LRMDA: variants seen among roughly 807,000 people sequenced by gnomAD.
LRMDA encodes leucine rich melanocyte differentiation associated.
In LRMDA, 18 loss-of-function variants were observed where a neutral mutation model predicts 29.8. The observed-to-expected ratio is 0.60, with a 90% CI of 0.42 to 0.90. LRMDA has a LOEUF of 0.90. Ranked by LOEUF, LRMDA falls within the 40% of genes least tolerant of loss-of-function variation. LRMDA has a pLI of 0.00. For synonymous variants in LRMDA, 125 were observed against 109.4 expected (o/e 1.14, Z -0.89); for missense variants, 273 against 273.9 (o/e 1.00, Z 0.02).
At chr10:76,328,489 C>G (rs1192854881) in intron 6 of LRMDA, among the ~76,000 whole-genome samples, 1 of 152,218 alleles carries the variant, frequency 6.6e-6, no homozygotes, top group East Asian at 1.9e-4. Flanking sequence ...AACTCAACAA[C>G]AGGCAAGGGA....
chr10:76,166,764 G>A (rs1850748213), intron 5 of LRMDA, among the ~76,000 whole-genome samples: 1 of 152,092 alleles, frequency 6.6e-6, no homozygotes, highest in Admixed American at 6.6e-5. Flanking sequence ...ATTGTGAATA[G>A]TGCTGCAGTG....
chr10:76,186,796 C>T (rs1360459554), intron 5 of LRMDA, among the ~76,000 whole-genome samples: 1 of 152,202 alleles, frequency 6.6e-6, no homozygotes, highest in Non-Finnish European at 1.5e-5. Context: ...TAACATCTAG[C>T]TGCTAGTTGA....
At chr10:75,499,819 G>A (rs1464410674) in intron 2 of LRMDA, among the ~76,000 whole-genome samples, 1 of 152,086 alleles carries the variant, frequency 6.6e-6, no homozygotes, top group African/African-American at 2.4e-5. Flanking sequence ...CTCCCCTAAG[G>A]TACCAAGGTG....
At chr10:75,802,335 G>GCACGCA (rs1843766346) in intron 2 of LRMDA, among the ~76,000 whole-genome samples, 1 of 147,044 alleles carries the variant, frequency 6.8e-6, no homozygotes, top group African/African-American at 2.5e-5. Context: ...ACACACACGC[G>GCACGCA]CACACACACA....
In LRMDA at chr10:76,105,284, G is replaced by A. The variant is rs569202645; in HGVS notation, c.516+46501G>A. On this transcript the variant is annotated intron_variant, in intron 5 of 6. Coordinates refer to ENST00000611255, the MANE Select transcript of LRMDA (RefSeq NM_001305581.2). ...CTCCAAAAGGCAGGATTTCGTTACCGTTTTTTTCCATGGGTATATTCCAGA... is the reference window on the plus strand; with the variant it reads ...CTCCAAAAGGCAGGATTTCGTTACCATTTTTTTCCATGGGTATATTCCAGA... Among the ~76,000 whole-genome samples the A allele has an allele frequency of 4.6e-5, 7 of 152,026 alleles. No individual in the cohort carries two copies. The South Asian group carries it at 1.0e-3, about 23-fold the overall frequency.
intron 5 of LRMDA, among the ~76,000 whole-genome samples, chr10:76,299,201 G>A (rs899489729): frequency 6.1e-5 from 9 of 148,622 alleles, no homozygotes; most frequent in South Asian, 2.1e-4. Context: ...ATGCACGCAC[G>A]CGCAATATGT....
intron 2 of LRMDA, among the ~76,000 whole-genome samples, chr10:75,786,007 C>T (rs915263778): frequency 2.6e-5 from 4 of 152,176 alleles, no homozygotes; most frequent in East Asian, 1.9e-4. Context: ...AAATATTTAT[C>T]GGGCACATGC....
chr10:75,844,925 G>A (rs778048516), intron 2 of LRMDA, among the ~76,000 whole-genome samples: 4 of 152,150 alleles, frequency 2.6e-5, no homozygotes, highest in Admixed American at 6.5e-5. Flanking sequence ...AAGGGGTCAC[G>A]TCAGTTGCTG....
At chr10:75,803,836 C>T (rs1481737317) in intron 2 of LRMDA, among the ~76,000 whole-genome samples, 1 of 146,552 alleles carries the variant, frequency 6.8e-6, no homozygotes, top group South Asian at 2.1e-4. Flanking sequence ...AACCACTGCA[C>T]GCAGTCTCTT....
chr10:76,437,097 T>C (rs554745943), intron 6 of LRMDA, among the ~76,000 whole-genome samples: 5 of 152,268 alleles, frequency 3.3e-5, no homozygotes, highest in Non-Finnish European at 7.4e-5. Context: ...TGCTTTGAAC[T>C]TGCATAGTCT....
Position 76,033,997 on chromosome 10 carries a change from C to T in LRMDA, c.132-2011C>T, listed in dbSNP as rs569438818. 3.3e-5 allele frequency among the ~76,000 whole-genome samples: 5 copies of T among 152,072 alleles called. No homozygotes were observed. The East Asian group carries it at 5.8e-4, about 18-fold the overall frequency. Reference sequence around the variant, plus strand: ...AGGAAGGAAAAGAAAAAAAAAACAGCGTATGCTAGTAACCAGTTAGCCGTC... The same window carrying T: ...AGGAAGGAAAAGAAAAAAAAAACAGTGTATGCTAGTAACCAGTTAGCCGTC... On this transcript the variant is annotated intron_variant, in intron 2 of 6. Coordinates refer to ENST00000611255, the MANE Select transcript of LRMDA (RefSeq NM_001305581.2).
chr10:76,063,566 A>G (rs924397765), intron 5 of LRMDA, among the ~76,000 whole-genome samples: 18 of 151,590 alleles, frequency 1.2e-4, no homozygotes, highest in African/African-American at 4.4e-4. Flanking sequence ...GCTATTGTGT[A>G]TGTGTGTGTG....
chr10:75,573,494 T>G (rs1427622466), intron 2 of LRMDA, among the ~76,000 whole-genome samples: 10 of 152,212 alleles, frequency 6.6e-5, no homozygotes, highest in Admixed American at 6.5e-4. Flanking sequence ...TATCTCCCCA[T>G]GCTGAGCTCT....
chr10:76,255,552 T>C (rs968196146), intron 5 of LRMDA, among the ~76,000 whole-genome samples: 2 of 152,158 alleles, frequency 1.3e-5, no homozygotes, highest in African/African-American at 2.4e-5. Flanking sequence ...ATTGCCAGGA[T>C]AGATAAAAAG....
rs1343277069 is a variant in LRMDA, at chr10:75,696,066, AAG to A, written c.131+257575_131+257576del. The stretch of plus-strand genomic sequence containing the variant: ...AAAAATTAAAAAAACCCAAAAAGAT[AAG>A]AGTGTTTAGTACAGGTAGTATAATA... On this transcript the variant is annotated intron_variant, in intron 2 of 6. Transcript: ENST00000611255. Among the ~76,000 whole-genome samples the A allele has an allele frequency of 4.6e-5, 7 of 152,212 alleles. No individual in the cohort carries two copies. The East Asian group carries it at 7.7e-4, about 17-fold the overall frequency.
chr10:75,626,100 G>A (rs1030849971), intron 2 of LRMDA, among the ~76,000 whole-genome samples: 1 of 151,782 alleles, frequency 6.6e-6, no homozygotes, highest in Non-Finnish European at 1.5e-5. Flanking sequence ...GGCTTCAAGT[G>A]ATCCTCCCAC....
chr10:76,117,877 C>A (rs988906188), intron 5 of LRMDA, among the ~76,000 whole-genome samples: 3 of 152,204 alleles, frequency 2.0e-5, no homozygotes, highest in African/African-American at 7.2e-5. Flanking sequence ...TCATTGGTTG[C>A]TTTGGAGGAT....
chr10:76,079,318 G>A (rs965465505), intron 5 of LRMDA, among the ~76,000 whole-genome samples: 8 of 152,196 alleles, frequency 5.3e-5, no homozygotes, highest in East Asian at 1.9e-4. Context: ...TGACTGTGGA[G>A]GGAAGAATGA....
chr10:76,337,478 T>C (rs1247227441), intron 6 of LRMDA, among the ~76,000 whole-genome samples: 1 of 151,916 alleles, frequency 6.6e-6, no homozygotes, highest in Non-Finnish European at 1.5e-5. Context: ...CCTGAGAATG[T>C]CTGAGAGAAA....
Sources: gnomAD v4.1 joint callset for allele counts (sites outside exome capture counted in the v4.1 genomes callset) on GRCh38, gnomAD v4.1.1 for gene constraint, MANE v1.5 for transcripts, NCBI Gene and HGNC (gene_info 2026-07-23, HGNC 2026-07-21) for gene names.